SLC44A5: variants seen among roughly 807,000 people sequenced by gnomAD.
SLC44A5 encodes choline transporter-like protein 5.
SLC44A5 carries 57 observed loss-of-function variants against 101.8 expected under a neutral mutation model. The ratio of observed to expected loss-of-function variants is 0.56; its 90% CI spans 0.45 to 0.70. SLC44A5 has a LOEUF of 0.70. Among genes scored for constraint, SLC44A5 ranks in the 30% least tolerant of loss-of-function variants. The pLI is 0.00. For missense variants in SLC44A5, 737 were observed against 853.1 expected (o/e 0.86, Z 1.70); for synonymous variants, 281 against 290.9 (o/e 0.97, Z 0.35).
intron 5 of SLC44A5, among the ~76,000 whole-genome samples, chr1:75,277,875 A>G (rs970362341): frequency 1.6e-4 from 24 of 152,140 alleles, no homozygotes; most frequent in Non-Finnish European, 3.1e-4. Flanking sequence ...TGTGCTGCAG[A>G]TGGTCTGTGT....
At chr1:75,557,111 C>A (rs556647600) in intron 1 of SLC44A5, among the ~76,000 whole-genome samples, 2 of 152,208 alleles carry the variant, frequency 1.3e-5, no homozygotes, top group Admixed American at 1.3e-4. Context: ...GAAGCCAGAG[C>A]AGCAAATTAG....
the SLC44A5 span, among the ~76,000 whole-genome samples, chr1:75,675,992 C>A: frequency 6.6e-6 from 1 of 152,144 alleles, no homozygotes. Context: ...TTCAAAACTG[C>A]AATGAGATAT....
At chr1:75,645,214 A>C in the SLC44A5 span, among the ~76,000 whole-genome samples, 2 of 152,144 alleles carry the variant, frequency 1.3e-5, no homozygotes, top group Non-Finnish European at 1.5e-5. Context: ...TGTCTTCCAC[A>C]ATGGTTGAAC....
At chr1:75,504,583 A>G (rs1007262433) in intron 2 of SLC44A5, among the ~76,000 whole-genome samples, 2 of 152,120 alleles carry the variant, frequency 1.3e-5, no homozygotes, top group Admixed American at 1.3e-4. Context: ...ACACAACCAT[A>G]GATATATACC....
chr1:75,276,239 T>C (rs1345685407), intron 5 of SLC44A5, among the ~76,000 whole-genome samples: 1 of 152,150 alleles, frequency 6.6e-6, no homozygotes, highest in Non-Finnish European at 1.5e-5. Context: ...CTGCCGTATC[T>C]TCCCGTCTCT....
chr1:75,620,681 G>GT, the SLC44A5 span, among the ~76,000 whole-genome samples: 2 of 151,966 alleles, frequency 1.3e-5, no homozygotes, highest in South Asian at 2.1e-4. Flanking sequence ...AGGGTTGTTT[G>GT]TTTTTTTCTT....
chr1:75,368,180 AAC>A lies in SLC44A5; in HGVS notation c.52+28401_52+28402del, dbSNP rs558032555. Among the ~76,000 whole-genome samples, 585 of 152,348 alleles carry A rather than the reference AAC, an allele frequency of 3.8e-3. 7 individuals carry two copies. In the South Asian group the frequency reaches 0.039, roughly 10 times the overall value. On this transcript the variant is annotated intron_variant, in intron 3 of 23. Transcript: ENST00000370859. ...ATCTAACAAAGCAACCAATTAAAAA[AAC>A]ACTCATAAATATCACATTTTACAAG... is the stretch of plus-strand genomic sequence containing the variant.
At chr1:75,490,038 T>C (rs930768420) in intron 2 of SLC44A5, among the ~76,000 whole-genome samples, 3 of 140,140 alleles carry the variant, frequency 2.1e-5, no homozygotes, top group Admixed American at 1.3e-4. Context: ...GATGTTAAAT[T>C]GTAAAATTAA....
At chr1:75,473,900 A>G (rs1353967664) in intron 2 of SLC44A5, among the ~76,000 whole-genome samples, 1 of 152,196 alleles carries the variant, frequency 6.6e-6, no homozygotes, top group Non-Finnish European at 1.5e-5. Context: ...AATCTTCTAA[A>G]TATGAGCTCT....
At chr1:75,679,629 G>C in the SLC44A5 span, among the ~76,000 whole-genome samples, 1 of 151,822 alleles carries the variant, frequency 6.6e-6, no homozygotes, top group African/African-American at 2.4e-5. Context: ...ACATGGAAAG[G>C]AACAACTGGT....
the SLC44A5 span, among the ~76,000 whole-genome samples, chr1:75,686,166 G>A: frequency 2.0e-5 from 3 of 152,134 alleles, no homozygotes; most frequent in African/African-American, 7.2e-5. Flanking sequence ...TACTATTCAA[G>A]GTGAGATTTG....
intron 2 of SLC44A5, among the ~76,000 whole-genome samples, chr1:75,479,745 T>A (rs1219099395): frequency 1.3e-5 from 2 of 152,172 alleles, no homozygotes; most frequent in African/African-American, 4.8e-5. Context: ...GCTCTGAAAT[T>A]GTGGCAATAA....
chr1:75,460,812 C>A (rs761529964), intron 2 of SLC44A5, among the ~76,000 whole-genome samples: 2 of 152,094 alleles, frequency 1.3e-5, no homozygotes, highest in African/African-American at 2.4e-5. Flanking sequence ...CTCCATTTAT[C>A]TTTTCTACCC....
chr1:75,215,698 A>G (rs1646946715), intron 19 of SLC44A5, 56 bp downstream of exon 19: 2 of 1,032,800 alleles, frequency 1.9e-6, no homozygotes, highest in Admixed American at 3.6e-5. Flanking sequence ...CAATGTAGAC[A>G]CAAGGTTTGG....
the SLC44A5 span, among the ~76,000 whole-genome samples, chr1:75,661,046 A>G: frequency 6.6e-6 from 1 of 152,166 alleles, no homozygotes; most frequent in Admixed American, 6.5e-5. Flanking sequence ...TCTGAGCACA[A>G]AGAACAAAGC....
chr1:75,474,625 C>A (rs879846219), intron 2 of SLC44A5, among the ~76,000 whole-genome samples: 9 of 152,182 alleles, frequency 5.9e-5, no homozygotes, highest in Non-Finnish European at 8.8e-5. Flanking sequence ...ATTAGTAGTC[C>A]AAGTTAATTG....
intron 3 of SLC44A5, among the ~76,000 whole-genome samples, chr1:75,366,900 A>AAT (rs1388880677): frequency 6.6e-6 from 1 of 151,794 alleles, no homozygotes; most frequent in African/African-American, 2.4e-5. Context: ...TTTCTTATTA[A>AAT]ACTTCTCATT....
intron 2 of SLC44A5, among the ~76,000 whole-genome samples, chr1:75,486,796 GA>G (rs1280605685): frequency 1.3e-5 from 2 of 152,018 alleles, no homozygotes; most frequent in Non-Finnish European, 2.9e-5. Context: ...TCCTACAATA[GA>G]AAAAAGCTTT....
chr1:75,696,920 C>A, the SLC44A5 span, among the ~76,000 whole-genome samples: 4 of 151,158 alleles, frequency 2.6e-5, no homozygotes, highest in Non-Finnish European at 4.4e-5. Flanking sequence ...ATGAGAGTCA[C>A]GGAGTTTTGT....
Sources: allele counts gnomAD v4.1 joint callset (sites outside exome capture counted in the v4.1 genomes callset), GRCh38; gene constraint gnomAD v4.1.1; transcripts MANE v1.5; gene names NCBI Gene and HGNC (gene_info 2026-07-23, HGNC 2026-07-21).